Variants in PEX7 observed in about 807,000 individuals in gnomAD.
PEX7 encodes PTS2 receptor.
PEX7 carries 34 observed loss-of-function variants against 47.5 expected under a neutral mutation model. That is an observed-to-expected ratio of 0.72 (90% CI 0.54 to 0.95). The LOEUF (loss-of-function observed/expected upper bound fraction) is 0.95. Among genes scored for constraint, PEX7 ranks in the 40% least tolerant of loss-of-function variants. The pLI, the probability that PEX7 is intolerant of heterozygous loss-of-function variation, is 0.00. For missense variants in PEX7, 394 were observed against 400.3 expected, an observed-to-expected ratio of 0.98 and a Z score of 0.13; for synonymous variants, 141 against 148.8, an observed-to-expected ratio of 0.95 and a Z score of 0.38.
chr6:136,823,000 C>T (rs186986159), intron 1 of PEX7: 7 of 985,474 alleles, frequency 7.1e-6, no homozygotes, highest in Non-Finnish European at 8.4e-6. Context: ...AGTCGATCTT[C>T]CAGTTGTGTG....
intron 3 of PEX7, chr6:136,830,214 T>C: frequency 1.7e-6 from 1 of 600,128 alleles, no homozygotes; most frequent in Admixed American, 3.0e-5. Context: ...ACTAAGTTTA[T>C]TAGTAGTCTG....
intron 8 of PEX7, among the ~76,000 whole-genome samples, chr6:136,876,587 G>A (rs1212424531): frequency 6.6e-6 from 1 of 152,150 alleles, no homozygotes; most frequent in Non-Finnish European, 1.5e-5. Context: ...AGAACACGCG[G>A]TGTTCGGTTT....
At chr6:136,872,678 A>G (rs933314725) in intron 8 of PEX7, among the ~76,000 whole-genome samples, 2 of 152,212 alleles carry the variant, frequency 1.3e-5, no homozygotes, top group Admixed American at 1.3e-4. Flanking sequence ...GAATGTAGAT[A>G]TATGAACATG....
rs781673804 is a variant in PEX7 at position 136,900,734 on chromosome 6, A to G, written c.903+2493A>G. On this transcript the variant is annotated intron_variant, in intron 9 of 9. Transcript: ENST00000318471. This position sits in a 1 kb window ranked among gnomAD's most constrained non-coding sequence, Gnocchi z 4.2. ...AGCTGAGCCTTCTTCTTCTCCACCA[A>G]GGTGGTGACGGTGTTAACCCCAGCT... 5.7e-6 allele frequency: 2 copies of G among 353,610 alleles called. No homozygotes were observed. The highest frequency in any genetic ancestry group is 1.1e-5 in the Non-Finnish European group (2 of 183,290). The allele number at this position is 353,610 out of a possible 1,614,324, so 21.9% of individuals were successfully genotyped here. A position where few individuals can be genotyped will look rare whatever the true frequency, so the allele number is the denominator to read the frequency against.
intron 9 of PEX7, among the ~76,000 whole-genome samples, chr6:136,911,539 G>C (rs1479532997): frequency 1.3e-5 from 2 of 151,972 alleles, no homozygotes; most frequent in Admixed American, 6.6e-5. Context: ...CCTAGTAGCT[G>C]GGATTACAGG....
chr6:136,845,729 C>T (rs1342358692), intron 4 of PEX7, 37 bp downstream of exon 4: 1 of 1,230,064 alleles, frequency 8.1e-7, no homozygotes, highest in South Asian at 1.2e-5. Flanking sequence ...ACGAATATTC[C>T]CTTCTCTAGA....
At chr6:136,837,134 G>C (rs1176665363) in intron 3 of PEX7, among the ~76,000 whole-genome samples, 1 of 152,014 alleles carries the variant, frequency 6.6e-6, no homozygotes, top group Non-Finnish European at 1.5e-5. Context: ...GCTGAGGTGG[G>C]CGGATCACAG....
rs181695052 is a variant in PEX7, at chr6:136,843,861, G to A, written c.340-1754G>A. Among the ~76,000 whole-genome samples, 703 of 152,202 alleles carry A rather than the reference G, an allele frequency of 4.6e-3. 3 individuals are homozygous for A. Among genetic ancestry groups the A allele is most frequent in the Middle Eastern group, 0.024 (7 of 294 alleles). Reference sequence around the variant, plus strand: ...TGAATATGGGCAGAGGCAGGGCCAGGACTAGGGTAGAATGTGTGAGGCACT... The same window carrying A: ...TGAATATGGGCAGAGGCAGGGCCAGAACTAGGGTAGAATGTGTGAGGCACT... On this transcript the variant is annotated intron_variant, in intron 3 of 9. Coordinates refer to ENST00000318471, the MANE Select transcript of PEX7 (RefSeq NM_000288.4).
chr6:136,882,871 A>G (rs959256465), intron 8 of PEX7, among the ~76,000 whole-genome samples: 1 of 152,102 alleles, frequency 6.6e-6, no homozygotes, highest in African/African-American at 2.4e-5. Context: ...CCAAGCTTTT[A>G]GTGTCCGCAT....
chr6:136,875,562 G>T (rs1284427277), intron 8 of PEX7, among the ~76,000 whole-genome samples: 4 of 152,156 alleles, frequency 2.6e-5, no homozygotes, highest in African/African-American at 9.7e-5. Context: ...TGGGGGAAGT[G>T]GAACCTAATA....
At chr6:136,889,694 C>T (rs535364158) in intron 8 of PEX7, among the ~76,000 whole-genome samples, 180 of 151,990 alleles carry the variant, frequency 1.2e-3, no homozygotes, top group African/African-American at 3.5e-3. Context: ...TCTCATTTTT[C>T]GTAGTAGGAA....
At chr6:136,841,054 G>C (rs966124337) in intron 3 of PEX7, among the ~76,000 whole-genome samples, 2 of 152,064 alleles carry the variant, frequency 1.3e-5, no homozygotes, top group African/African-American at 4.8e-5. Context: ...AAGATCCATG[G>C]GGGCTGGTCT....
chr6:136,870,833 A>T (rs938937826), intron 7 of PEX7: 1 of 320,622 alleles, frequency 3.1e-6, no homozygotes, highest in Non-Finnish European at 6.1e-6. Flanking sequence ...AGTAGCTGGG[A>T]CTACAGGTGT....
intron 3 of PEX7, among the ~76,000 whole-genome samples, chr6:136,840,952 C>T (rs546670705): frequency 2.0e-5 from 3 of 152,132 alleles, no homozygotes; most frequent in Non-Finnish European, 4.4e-5. Context: ...ATTTTCTGTT[C>T]TCCTTACTCT....
chr6:136,879,636 T>C (rs546106855), intron 8 of PEX7, among the ~76,000 whole-genome samples: 2 of 152,136 alleles, frequency 1.3e-5, no homozygotes, highest in Non-Finnish European at 2.9e-5. Flanking sequence ...GCTCTTTAAG[T>C]ATATAGATTT....
intron 9 of PEX7, among the ~76,000 whole-genome samples, chr6:136,905,336 GCTTACCCCAC>G (rs1775828294): frequency 6.6e-6 from 1 of 152,018 alleles, no homozygotes; most frequent in African/African-American, 2.4e-5. Flanking sequence ...GCTCTATGGG[GCTTACCCCAC>G]TGTCCTGTCA....
chr6:136,894,393 C>T (rs6905810), intron 8 of PEX7, among the ~76,000 whole-genome samples: 9,387 of 152,136 alleles, frequency 0.062, 660 homozygotes, highest in African/African-American at 0.17. Flanking sequence ...AGTTCAAGAC[C>T]AGCCTGACCA....
chr6:136,913,079 C>A (rs1305192002), intron 9 of PEX7, among the ~76,000 whole-genome samples: 1 of 152,180 alleles, frequency 6.6e-6, no homozygotes. Flanking sequence ...ATCTTCCTCT[C>A]CAGTCCCACA....
At chr6:136,889,015 T>G (rs1775513520) in intron 8 of PEX7, among the ~76,000 whole-genome samples, 1 of 152,266 alleles carries the variant, frequency 6.6e-6, no homozygotes, top group African/African-American at 2.4e-5. Flanking sequence ...TTTATTTTTT[T>G]CTACAAATCA....
Sources: gnomAD v4.1 joint callset for allele counts (sites outside exome capture counted in the v4.1 genomes callset) on GRCh38, gnomAD v4.1.1 for gene constraint, Gnocchi (gnomAD v3.1) non-coding constraint, MANE v1.5 for transcripts, NCBI Gene and HGNC (gene_info 2026-07-23, HGNC 2026-07-21) for gene names.